PCAT7: variants seen among roughly 807,000 people sequenced by gnomAD.
PCAT7 encodes the protein prostate cancer associated transcript 7 (non-protein coding).
At chr9:94,556,815 T>C (rs1343617477) in intron 1 of PCAT7, among the ~76,000 whole-genome samples, 1 of 152,244 alleles carries the variant, frequency 6.6e-6, no homozygotes. Context: ...AGTTTCATAG[T>C]TTCAGGTCCT....
chr9:94,556,580 G>A (rs1357352993), intron 1 of PCAT7, among the ~76,000 whole-genome samples: 1 of 152,190 alleles, frequency 6.6e-6, no homozygotes, highest in Non-Finnish European at 1.5e-5. Context: ...TTCTTTAGAT[G>A]TTTTGTGTAT....
Position 94,571,557 on chromosome 9 carries a change from G to A in PCAT7, n.442-1422G>A, listed in dbSNP as rs759228397. On this transcript the variant is annotated intron_variant and non_coding_transcript_variant, in intron 2 of 8. Coordinates refer to ENST00000647389, the Ensembl canonical transcript of PCAT7. ...GCATAACCTGCGGCCACAATATTGC[G>A]GCCACACTGCAGGGCATCCTTTTCA... 2.0e-5 allele frequency: 32 copies of A among 1,613,736 alleles called. 1 individual carries two copies. The highest frequency in any genetic ancestry group is 1.2e-4 in the South Asian group (11 of 91,014).
At chr9:94,557,674 C>A (rs1300733997) in intron 1 of PCAT7, among the ~76,000 whole-genome samples, 2 of 152,224 alleles carry the variant, frequency 1.3e-5, no homozygotes, top group Non-Finnish European at 2.9e-5. Context: ...TTCCCCTAAC[C>A]TAATGAATTA....
chr9:94,571,279 A>G (rs1459616800), intron 2 of PCAT7, among the ~76,000 whole-genome samples: 4 of 152,176 alleles, frequency 2.6e-5, no homozygotes, highest in African/African-American at 9.7e-5. Flanking sequence ...GAGTGCCCTC[A>G]CTGGGACAGA....
At position 94,558,934 on chromosome 9, in the gene PCAT7, C is replaced by CT. The variant is rs1827050197; in HGVS notation, n.258-34dup. The stretch of plus-strand genomic sequence containing the variant: ...ACAGAAGAGGGCATGTGGGGTCAAA[C>CT]TCGCTAGCTGCCTGCCTGATTTTTC... On this transcript the variant is annotated intron_variant and non_coding_transcript_variant, in intron 1 of 8. Coordinates refer to ENST00000647389, the Ensembl canonical transcript of PCAT7. The CT allele has an allele frequency of 1.9e-6, 3 of 1,613,946 alleles. No homozygotes were observed. The African/African-American group carries it at 4.0e-5, about 22-fold the overall frequency.
chr9:94,562,927 TTGTATGTAATG>T (rs1258237011), intron 2 of PCAT7, among the ~76,000 whole-genome samples: 1 of 152,208 alleles, frequency 6.6e-6, no homozygotes. Context: ...AACGTGTAAT[TTGTATGTAATG>T]TGTACGTTTA....
chr9:94,561,981 A>G (rs1179240515), intron 2 of PCAT7, among the ~76,000 whole-genome samples: 1 of 152,144 alleles, frequency 6.6e-6, no homozygotes, highest in African/African-American at 2.4e-5. Context: ...TGTTCTCCCC[A>G]ATGTAACTGA....
At chr9:94,563,291 C>T (rs1827136241) in intron 2 of PCAT7, 6 of 1,589,518 alleles carry the variant, frequency 3.8e-6, no homozygotes, top group Non-Finnish European at 5.2e-6. Flanking sequence ...CGGGAGGGAG[C>T]TCCCCCACCT....
intron 2 of PCAT7, among the ~76,000 whole-genome samples, chr9:94,564,626 CAA>C (rs777955164): frequency 4.6e-5 from 7 of 151,930 alleles, no homozygotes; most frequent in African/African-American, 1.2e-4. Flanking sequence ...CACATGGACA[CAA>C]AGAGGGAAAC....
chr9:94,564,288 A>G (rs1213031905), intron 2 of PCAT7, among the ~76,000 whole-genome samples: 5 of 152,160 alleles, frequency 3.3e-5, no homozygotes, highest in Non-Finnish European at 7.4e-5. Flanking sequence ...CCACTCTCCA[A>G]CCACGGCCAT....
chr9:94,556,299 C>T (rs774636356), intron 1 of PCAT7, among the ~76,000 whole-genome samples: 2 of 150,688 alleles, frequency 1.3e-5, no homozygotes, highest in Admixed American at 6.6e-5. Context: ...GGGGAAAATA[C>T]GGTGGGAAAA....
upstream of PCAT7, among the ~76,000 whole-genome samples, chr9:94,554,619 G>T (rs956654766): frequency 4.1e-5 from 6 of 147,618 alleles, no homozygotes; most frequent in East Asian, 2.2e-4. Flanking sequence ...ACCACCAACC[G>T]CAGCGAGGCG....
chr9:94,566,124 T>C (rs1410304376), intron 2 of PCAT7, among the ~76,000 whole-genome samples: 2 of 152,226 alleles, frequency 1.3e-5, no homozygotes, highest in Non-Finnish European at 2.9e-5. Context: ...ATCACTATAA[T>C]CCTGATTTAG....
chr9:94,567,526 T>A, intron 2 of PCAT7: 1 of 1,245,968 alleles, frequency 8.0e-7, no homozygotes, highest in Non-Finnish European at 1.1e-6. Context: ...GGGGCTTGGC[T>A]GTGGTCACTC....
chr9:94,556,497 G>C (rs796565872), intron 1 of PCAT7, among the ~76,000 whole-genome samples: 1 of 152,208 alleles, frequency 6.6e-6, no homozygotes, highest in African/African-American at 2.4e-5. Flanking sequence ...GTGGGGAAAT[G>C]GTGGGGGACA....
chr9:94,558,989 C>T, exon 2 of PCAT7: 1 of 1,614,148 alleles, frequency 6.2e-7, no homozygotes, highest in Non-Finnish European at 8.5e-7. Context: ...CCTGCACATC[C>T]TCTGGTGACC....
chr9:94,554,892 C>T (rs945894297), upstream of PCAT7, among the ~76,000 whole-genome samples: 4 of 152,132 alleles, frequency 2.6e-5, no homozygotes, highest in African/African-American at 7.2e-5. Context: ...CCAGAAATGA[C>T]GCGCCGCTGC....
intron 2 of PCAT7, chr9:94,571,324 C>A: frequency 3.3e-6 from 3 of 898,590 alleles, no homozygotes; most frequent in Middle Eastern, 3.6e-4. Context: ...GTTTTGGCTC[C>A]CCAAACTAGG....
chr9:94,555,261 G>A lies in PCAT7; in HGVS notation n.208G>A, dbSNP rs147574881. On this transcript the variant is annotated non_coding_transcript_exon_variant, in exon 1 of 9. Transcript: ENST00000647389. ...GAGCCGCGGCACCGTGGCGCGGCTC[G>A]CCTCGCTGCGGTTGGTGGTGGCGGT... 5.8e-3 allele frequency: 880 copies of A among 152,120 alleles called. 1 individual carries two copies. Among genetic ancestry groups the A allele is most frequent in the Middle Eastern group, 0.024 (7 of 294 alleles). 9.4% of individuals were successfully genotyped at this position (152,120 alleles called of 1,614,324 possible).
Sources: gnomAD v4.1 joint callset for allele counts (sites outside exome capture counted in the v4.1 genomes callset) on GRCh38, gnomAD v4.1.1 for gene constraint, MANE v1.5 for transcripts, NCBI Gene and HGNC (gene_info 2026-07-23, HGNC 2026-07-21) for gene names.